Variants in PIDD1 observed in about 807,000 individuals in gnomAD.
PIDD1 encodes the protein p53-induced death domain-containing protein 1.
PIDD1 carries 72 observed loss-of-function variants against 80.0 expected under a neutral mutation model. That is an observed-to-expected ratio of 0.90 (90% CI 0.74 to 1.09). The LOEUF is 1.09. Ranked by LOEUF, PIDD1 falls within the 50% of genes least tolerant of loss-of-function variation. The pLI is 0.00. For missense variants in PIDD1, 1,329 were observed against 1,228.3 expected (o/e 1.08, Z -1.23); for synonymous variants, 655 against 543.5 (o/e 1.21, Z -2.85).
At chr11:804,556 C>T in intron 1 of PIDD1, 93 bp from the exon 2 acceptor site, 1 of 1,310,972 alleles carries the variant, frequency 7.6e-7, no homozygotes, top group South Asian at 1.7e-5. Context: ...AGCTCTAGAG[C>T]CAGGCCATCT....
rs1471877346 is a variant in PIDD1, at chr11:800,655, G to A, written c.1929C>T (p.Thr643=). The change falls in exon 12 of 16, where the codon ACC becomes ACT. Residue 643 remains threonine, a synonymous_variant. Coordinates refer to ENST00000347755, the MANE Select transcript of PIDD1 (RefSeq NM_145886.4). ...GGTACCGCTCCAGCAGCCGCCGAAG[G>A]GTGGCGTCCACCTGCGGGGAAGCCC... ...QCLPRNKVDA[T]LRRLLERYRG... The A allele has an allele frequency of 3.1e-6, 5 of 1,587,570 alleles. No homozygotes were observed. Among genetic ancestry groups the A allele is most frequent in the Non-Finnish European group, 4.3e-6 (5 of 1,173,096 alleles).
rs1310982115 is a variant in PIDD1 at position 802,027 on chromosome 11, T to C, written c.1240A>G (p.Arg414Gly). Residue 414 changes from arginine (R) to glycine (G), a missense_variant, in exon 7 of 16, where the codon AGG becomes GGG. Transcript: ENST00000347755. Reference protein sequence around the residue: ...QARRCREVVVRTRNDNSWGDL... With the variant: ...QARRCREVVVGTRNDNSWGDL... ...CCCCAGCTGTTGTCATTCCGGGTCCTGACCACCACTTCACGGCAGCGCCGG... is the reference window on the plus strand; with the variant it reads ...CCCCAGCTGTTGTCATTCCGGGTCCCGACCACCACTTCACGGCAGCGCCGG... 3 of 1,601,468 alleles carry C rather than the reference T, an allele frequency of 1.9e-6. No individual in the cohort carries two copies. The highest frequency in any genetic ancestry group is 1.7e-6 in the Non-Finnish European group (2 of 1,174,674).
upstream of PIDD1, among the ~76,000 whole-genome samples, chr11:808,686 G>C (rs1865905050): frequency 6.6e-6 from 1 of 152,262 alleles, no homozygotes; most frequent in African/African-American, 2.4e-5. Context: ...ACAGAATGGG[G>C]CCCAGTCTCA....
chr11:808,883 C>T (rs1399120791), upstream of PIDD1, among the ~76,000 whole-genome samples: 1 of 152,220 alleles, frequency 6.6e-6, no homozygotes, highest in African/African-American at 2.4e-5. Flanking sequence ...TATACACACC[C>T]CAGGGTTTGC....
upstream of PIDD1, chr11:805,273 A>T: frequency 1.4e-5 from 13 of 958,068 alleles, no homozygotes; most frequent in African/African-American, 1.8e-5. Flanking sequence ...GGGACTGCAG[A>T]CCCCGCCCCT....
At chr11:807,515 CGCCTCTAATCCCA>C (rs990925545), upstream of PIDD1, among the ~76,000 whole-genome samples, 34 of 151,814 alleles carry the variant, frequency 2.2e-4, no homozygotes, top group African/African-American at 8.2e-4. Flanking sequence ...TGGTGGCTCA[CGCCTCTAATCCCA>C]GCACTTTGGG....
Position 799,436 on chromosome 11 carries a change from C to G in PIDD1, c.2604G>C (p.Glu868Asp). Reference protein sequence around the residue: ...EQSDRQDVAEEVRAVLELGRR... With the variant: ...EQSDRQDVAEDVRAVLELGRR... ...GGCCGAGCTCCAAGACTGCGCGCAC[C>G]TCTTCAGCCACGTCCTGCCGGTCAC... Residue 868 changes from glutamate to aspartate, a missense_variant, in exon 16 of 16, where the codon GAG becomes GAC. By Grantham distance (45) the Glu-to-Asp change is conservative. Transcript: ENST00000347755. The G allele has an allele frequency of 6.2e-7, 1 of 1,611,144 alleles. No individual in the cohort carries two copies. The highest frequency in any genetic ancestry group is 8.5e-7 in the Non-Finnish European group (1 of 1,179,890).
chr11:805,034 G>A (rs115746230), intron 1 of PIDD1, 145 bp downstream of exon 1: 4,110 of 190,864 alleles, frequency 0.022, 191 homozygotes, highest in African/African-American at 0.091. Context: ...GGTGCACCGC[G>A]CACCGCTCAG....
intron 1 of PIDD1, 48 bp from the exon 2 acceptor site, chr11:804,511 T>C (rs1865642775): frequency 4.9e-6 from 7 of 1,437,332 alleles, no homozygotes; most frequent in Non-Finnish European, 6.4e-6. Flanking sequence ...TGGGCCCTTC[T>C]CTTTGGGGAA....
chr11:802,855 C>A lies in PIDD1; in HGVS notation c.746G>T (p.Ser249Ile). Reference protein sequence around the residue: ...LRSLRLLVLHSNLLASVPADL... With the variant: ...LRSLRLLVLHINLLASVPADL... The stretch of plus-strand genomic sequence containing the variant: ...AGCTGGCACAGAGGCCAGGAGGTTG[C>A]TGTGCAGGACAAGGAGCCGCAAGGA... Residue 249 changes from serine (S) to isoleucine (I), a missense_variant, in exon 4 of 16, where the codon AGC becomes ATC. Transcript: ENST00000347755. 1 of 1,585,192 alleles carries A rather than the reference C, an allele frequency of 6.3e-7. No homozygotes were observed. Among genetic ancestry groups the A allele is most frequent in the Admixed American group, 1.8e-5 (1 of 55,304 alleles).
At position 799,196 on chromosome 11, in the gene PIDD1, T is replaced by C. The variant is rs989806044; in HGVS notation, c.*111A>G. 6.5e-6 allele frequency: 7 copies of C among 1,082,962 alleles called. No individual in the cohort carries two copies. Among genetic ancestry groups the C allele is most frequent in the Non-Finnish European group, 9.0e-6 (7 of 777,060 alleles). The allele number at this position is 1,082,962 out of a possible 1,614,324, so 67.1% of individuals were successfully genotyped here. ...TCAAGCTCTGAGGTGAAAGAAACAG[T>C]GCAGTTTTGTTGCTCACAGGGACCC... On this transcript the variant is annotated 3_prime_UTR_variant, in exon 16 of 16. Coordinates refer to ENST00000347755, the MANE Select transcript of PIDD1 (RefSeq NM_145886.4).
In PIDD1 at chr11:799,833, C is replaced by A; in HGVS notation, c.2456G>T (p.Arg819Leu). ...HLGVSYREVQ[R>L]IRHEFRDDLD... Reference sequence around the variant, plus strand: ...GCCTCACCGGAACTCGTGCCGGATGCGCTGCACCTCCCGGTAGGACACCCC... The same window carrying A: ...GCCTCACCGGAACTCGTGCCGGATGAGCTGCACCTCCCGGTAGGACACCCC... The change falls in exon 15 of 16, where the codon CGC (arginine) becomes CTC (leucine). Residue 819 changes from arginine (R) to leucine (L), a missense_variant. Arg to Leu is a moderately radical substitution (Grantham distance 102, BLOSUM62 -2). Transcript: ENST00000347755. 6.3e-7 allele frequency: 1 copy of A among 1,596,068 alleles called. No individual in the cohort carries two copies. Among genetic ancestry groups the A allele is most frequent in the Non-Finnish European group, 8.5e-7 (1 of 1,172,050 alleles).
intron 7 of PIDD1, 153 bp downstream of exon 7, chr11:801,812 C>T (rs1403485116): frequency 6.9e-6 from 7 of 1,010,984 alleles, no homozygotes; most frequent in Admixed American, 6.4e-5. Flanking sequence ...CCAGGAGGGA[C>T]GGGGTGGGGT....
upstream of PIDD1, among the ~76,000 whole-genome samples, chr11:809,184 C>T (rs1865930457): frequency 1.3e-5 from 2 of 152,248 alleles, no homozygotes; most frequent in South Asian, 4.1e-4. Context: ...CCCTGAGGTG[C>T]TGATGTCCAC....
At chr11:804,521 A>C in intron 1 of PIDD1, 58 bp from the exon 2 acceptor site, 1 of 1,426,158 alleles carries the variant, frequency 7.0e-7, no homozygotes, top group Non-Finnish European at 9.2e-7. Context: ...TCTTTGGGGA[A>C]ACAGGGACTC....
chr11:808,585 C>T (rs1051531496), upstream of PIDD1, among the ~76,000 whole-genome samples: 1 of 152,172 alleles, frequency 6.6e-6, no homozygotes, highest in African/African-American at 2.4e-5. Flanking sequence ...CTGTGGTCTC[C>T]GCTAGGAGGC....
chr11:801,930 T>C (rs1399906642), intron 7 of PIDD1, 35 bp downstream of exon 7: 2 of 1,594,378 alleles, frequency 1.3e-6, no homozygotes, highest in Non-Finnish European at 1.7e-6. Flanking sequence ...GCAGCAGCTC[T>C]CCACTCGCCA....
In PIDD1 at chr11:800,668, T is replaced by C; in HGVS notation, c.1918-2A>G. On this transcript the variant is annotated splice_acceptor_variant, in intron 11 of 15. Coordinates refer to ENST00000347755, the MANE Select transcript of PIDD1 (RefSeq NM_145886.4). LOFTEE classifies it high-confidence loss of function. ...CAGCCGCCGAAGGGTGGCGTCCACC[T>C]GCGGGGAAGCCCGTGCAGCTCAGGA... The C allele has an allele frequency of 1.3e-6, 2 of 1,579,402 alleles. No individual in the cohort carries two copies. The highest frequency in any genetic ancestry group is 4.6e-5 in the East Asian group (2 of 43,290).
chr11:808,992 G>C (rs535770167), upstream of PIDD1, among the ~76,000 whole-genome samples: 1 of 152,302 alleles, frequency 6.6e-6, no homozygotes, highest in African/African-American at 2.4e-5. Flanking sequence ...TATTGGCAGG[G>C]ATGGCTCCTT....
Sources: gnomAD v4.1 joint callset for allele counts (sites outside exome capture counted in the v4.1 genomes callset) on GRCh38, gnomAD v4.1.1 for gene constraint, MANE v1.5 for transcripts, NCBI Gene and HGNC (gene_info 2026-07-23, HGNC 2026-07-21) for gene names.